The following SCUBE1 variants were observed in gnomAD, a reference collection of about 807,000 sequenced individuals.
SCUBE1 encodes signal peptide, CUB domain and EGF like domain containing 1.
A neutral mutation model predicts 124.4 loss-of-function variants in SCUBE1; 59 were observed. The ratio of observed to expected loss-of-function variants is 0.47; its 90% CI spans 0.38 to 0.59. The LOEUF is 0.59. SCUBE1 is among the 20% of genes least tolerant of loss of function. The pLI is 0.00. For missense variants in SCUBE1, 1,150 were observed against 1,371.2 expected, an observed-to-expected ratio of 0.84 and a Z score of 2.55; for synonymous variants, 545 against 550.9, an observed-to-expected ratio of 0.99 and a Z score of 0.15.
Position 43,229,066 on chromosome 22 carries a change from G to A in SCUBE1, c.1084+6C>T. ...GGGAGGTGGCCCTGGCGGGCAGGCT[G>A]CAGACCTCCGCAGTGGGTTGTCCCG... On this transcript the variant is annotated splice_donor_region_variant and intron_variant, in intron 9 of 21. Transcript: ENST00000360835. 1 of 1,603,998 alleles carries A rather than the reference G, an allele frequency of 6.2e-7. No homozygotes were observed. The highest frequency in any genetic ancestry group is 8.5e-7 in the Non-Finnish European group (1 of 1,173,408).
At chr22:43,251,447 GA>G (rs1191722194) in intron 6 of SCUBE1, among the ~76,000 whole-genome samples, 1 of 152,216 alleles carries the variant, frequency 6.6e-6, no homozygotes. Context: ...GGCCTCTGCA[GA>G]TGTGCTGAAG....
intron 4 of SCUBE1, among the ~76,000 whole-genome samples, chr22:43,274,516 T>C (rs1227285287): frequency 5.3e-5 from 8 of 152,128 alleles, no homozygotes; most frequent in Admixed American, 5.2e-4. Context: ...GCCCAGGCCA[T>C]GGCCTGCCAC....
At chr22:43,243,708 C>A (rs1410670523) in intron 6 of SCUBE1, among the ~76,000 whole-genome samples, 1 of 152,226 alleles carries the variant, frequency 6.6e-6, no homozygotes, top group African/African-American at 2.4e-5. Flanking sequence ...GGCTGTGTGA[C>A]CCCGGGCAAG....
intron 20 of SCUBE1, 63 bp downstream of exon 20, chr22:43,208,007 ATC>A (rs1176975094): frequency 8.2e-6 from 13 of 1,577,086 alleles, no homozygotes; most frequent in African/African-American, 1.3e-5. Context: ...CGTGCGACTC[ATC>A]TCTGTGTCTC....
At chr22:43,209,562 C>T (rs1921449254) in intron 19 of SCUBE1, among the ~76,000 whole-genome samples, 1 of 152,190 alleles carries the variant, frequency 6.6e-6, no homozygotes, top group African/African-American at 2.4e-5. Context: ...GCCAGGAGTC[C>T]AGGGCTCACA....
At chr22:43,222,410 C>T (rs763033742) in intron 12 of SCUBE1, among the ~76,000 whole-genome samples, 16 of 152,230 alleles carry the variant, frequency 1.1e-4, no homozygotes, top group East Asian at 1.9e-4. Context: ...ACCTCAGAGC[C>T]GGAAGGGCCC....
chr22:43,274,799 G>A (rs1358444583), intron 4 of SCUBE1, among the ~76,000 whole-genome samples: 1 of 152,222 alleles, frequency 6.6e-6, no homozygotes, highest in African/African-American at 2.4e-5. Context: ...CCTGGGGCTG[G>A]AGTCCCGGCT....
At chr22:43,243,106 A>G (rs1361138979) in intron 6 of SCUBE1, among the ~76,000 whole-genome samples, 1 of 152,246 alleles carries the variant, frequency 6.6e-6, no homozygotes, top group Non-Finnish European at 1.5e-5. Flanking sequence ...CGCACACGCC[A>G]CACACCCTAG....
Position 43,198,604 on chromosome 22 carries a change from A to T in SCUBE1, c.*5393T>A, listed in dbSNP as rs1330083994. ...ACATCCTCTGCCCTTGGCCTGAATG[A>T]TGTCGGCTCGGCATGGACACCTTGT... On this transcript the variant is annotated 3_prime_UTR_variant, in exon 22 of 22. Coordinates refer to ENST00000360835, the MANE Select transcript of SCUBE1 (RefSeq NM_173050.5). The T allele has an allele frequency of 6.6e-6, 3 of 456,730 alleles. No homozygotes were observed. Among genetic ancestry groups the T allele is most frequent in the Admixed American group, 4.7e-5 (2 of 42,586 alleles). 28.3% of individuals were successfully genotyped at this position (456,730 alleles called of 1,614,324 possible).
chr22:43,317,123 T>C (rs992266462), intron 3 of SCUBE1: 3 of 152,110 alleles, frequency 2.0e-5, no homozygotes, highest in South Asian at 2.1e-4. Context: ...AAGGAAACGA[T>C]TGGGAAAACA....
rs753276811 is a variant in SCUBE1 at position 43,320,034 on chromosome 22, A to G, written c.252T>C (p.Asn84=). The G allele has an allele frequency of 1.9e-6, 3 of 1,614,120 alleles. No homozygotes were observed. Among genetic ancestry groups the G allele is most frequent in the Admixed American group, 3.3e-5 (2 of 60,018 alleles). The change falls in exon 3 of 22, where the codon AAT becomes AAC. Residue 84 remains asparagine, a synonymous_variant. Coordinates refer to ENST00000360835, the MANE Select transcript of SCUBE1 (RefSeq NM_173050.5). ...TGATGCACTCGTGGACACAGCCCCCATTGTAGTAGTCATTCTCACACTCGT... is the reference window on the plus strand; with the variant it reads ...TGATGCACTCGTGGACACAGCCCCCGTTGTAGTAGTCATTCTCACACTCGT... ...DIDECENDYY[N]GGCVHECINI...
chr22:43,246,039 G>C (rs1472234457), intron 6 of SCUBE1, among the ~76,000 whole-genome samples: 1 of 152,154 alleles, frequency 6.6e-6, no homozygotes, highest in African/African-American at 2.4e-5. Context: ...GGTGGCACCA[G>C]GTGTATGGAA....
At chr22:43,322,869 G>A (rs1474562053) in intron 2 of SCUBE1, among the ~76,000 whole-genome samples, 5 of 152,212 alleles carry the variant, frequency 3.3e-5, no homozygotes, top group African/African-American at 2.4e-5. Context: ...TCAGAAGGAG[G>A]TATCTACTCC....
chr22:43,236,031 C>A (rs762487452), intron 7 of SCUBE1, among the ~76,000 whole-genome samples: 1 of 152,244 alleles, frequency 6.6e-6, no homozygotes, highest in Non-Finnish European at 1.5e-5. Flanking sequence ...TCCAAGCCCG[C>A]TGTGACCTTT....
chr22:43,311,845 C>T (rs1926181678), intron 3 of SCUBE1, among the ~76,000 whole-genome samples: 1 of 152,166 alleles, frequency 6.6e-6, no homozygotes, highest in African/African-American at 2.4e-5. Context: ...CCTATGCCTA[C>T]CACTCTACAT....
chr22:43,203,688 A>G lies in SCUBE1; in HGVS notation c.*309T>C, dbSNP rs1921099628. On this transcript the variant is annotated 3_prime_UTR_variant, in exon 22 of 22. Coordinates refer to ENST00000360835, the MANE Select transcript of SCUBE1 (RefSeq NM_173050.5). Reference sequence around the variant, plus strand: ...CACTTCCCCTCTCTCCTGAAACGCCAGGCCAGGCAGAGGGTCCTGCAATCC... The same window carrying G: ...CACTTCCCCTCTCTCCTGAAACGCCGGGCCAGGCAGAGGGTCCTGCAATCC... 3.6e-6 allele frequency: 1 copy of G among 274,614 alleles called. No homozygotes were observed. Among genetic ancestry groups the G allele is most frequent in the South Asian group, 5.7e-5 (1 of 17,670 alleles). 17.0% of individuals were successfully genotyped at this position (274,614 alleles called of 1,614,324 possible).
chr22:43,222,110 T>C (rs1922115578), intron 12 of SCUBE1, among the ~76,000 whole-genome samples: 1 of 152,050 alleles, frequency 6.6e-6, no homozygotes, highest in African/African-American at 2.4e-5. Flanking sequence ...AATGCACCTA[T>C]CTATCAAATC....
intron 17 of SCUBE1, among the ~76,000 whole-genome samples, chr22:43,212,046 CCT>C (rs1921583488): frequency 6.6e-6 from 1 of 152,006 alleles, no homozygotes; most frequent in Non-Finnish European, 1.5e-5. Flanking sequence ...GACCAGATGC[CCT>C]GAACAGACAG....
chr22:43,248,230 T>C (rs1355120133), intron 6 of SCUBE1, among the ~76,000 whole-genome samples: 6 of 152,208 alleles, frequency 3.9e-5, no homozygotes, highest in South Asian at 2.1e-4. Context: ...CCCACCTCCA[T>C]TGGGATGGAG....
Sources: gnomAD v4.1 joint callset for allele counts (sites outside exome capture counted in the v4.1 genomes callset) on GRCh38, gnomAD v4.1.1 for gene constraint, MANE v1.5 for transcripts, NCBI Gene and HGNC (gene_info 2026-07-23, HGNC 2026-07-21) for gene names.